The following KCNQ3 variants were observed in gnomAD, a reference collection of about 807,000 sequenced individuals.
KCNQ3 encodes the protein potassium voltage-gated channel subfamily KQT member 3.
Under a neutral mutation model 92.5 loss-of-function variants are expected in KCNQ3, and 30 were observed. The observed-to-expected ratio is 0.32, with a 90% CI of 0.24 to 0.44. The LOEUF (loss-of-function observed/expected upper bound fraction) is 0.44. KCNQ3 is among the 20% of genes least tolerant of loss of function. KCNQ3 has a pLI of 1.00. For missense variants in KCNQ3, 913 were observed against 1,140.3 expected, an observed-to-expected ratio of 0.80 and a Z score of 2.87; for synonymous variants, 450 against 468.8, an observed-to-expected ratio of 0.96 and a Z score of 0.52.
At chr8:132,191,597 G>A (rs1302054159) in intron 1 of KCNQ3, among the ~76,000 whole-genome samples, 3 of 69,808 alleles carry the variant, frequency 4.3e-5, no homozygotes, top group East Asian at 2.7e-4. Flanking sequence ...GGATATGTGT[G>A]TGTATGTGTG....
intron 1 of KCNQ3, among the ~76,000 whole-genome samples, chr8:132,286,893 G>T (rs1816694344): frequency 1.3e-5 from 2 of 152,044 alleles, no homozygotes; most frequent in East Asian, 1.9e-4. Flanking sequence ...ATGAGGAGAG[G>T]TTACCTCTCC....
intron 9 of KCNQ3, among the ~76,000 whole-genome samples, chr8:132,159,809 T>C (rs965573205): frequency 6.6e-6 from 1 of 152,142 alleles, no homozygotes; most frequent in Non-Finnish European, 1.5e-5. Flanking sequence ...ATGACACTTG[T>C]AGAATAATGA....
chr8:132,376,583 A>G (rs539633000), intron 1 of KCNQ3, among the ~76,000 whole-genome samples: 26 of 152,318 alleles, frequency 1.7e-4, no homozygotes, highest in African/African-American at 5.5e-4. Flanking sequence ...GAGCTAGAAA[A>G]TACATTGCTT....
At chr8:132,477,395 G>A (rs1175241331) in intron 1 of KCNQ3, among the ~76,000 whole-genome samples, 2 of 148,842 alleles carry the variant, frequency 1.3e-5, no homozygotes, top group South Asian at 2.1e-4. Flanking sequence ...CCTATGGTAA[G>A]CCCAATTTCC....
At chr8:132,230,539 C>T (rs1481536896) in intron 1 of KCNQ3, among the ~76,000 whole-genome samples, 3 of 151,772 alleles carry the variant, frequency 2.0e-5, no homozygotes, top group African/African-American at 7.3e-5. Flanking sequence ...AATGTGTCTT[C>T]CTGTCATTTA....
chr8:132,230,319 C>T (rs917698583), intron 1 of KCNQ3, among the ~76,000 whole-genome samples: 4 of 151,524 alleles, frequency 2.6e-5, no homozygotes, highest in South Asian at 2.1e-4. Context: ...CAAGATAAAG[C>T]CCCCCCGCCC....
At chr8:132,247,687 A>T (rs990475473) in intron 1 of KCNQ3, among the ~76,000 whole-genome samples, 3 of 151,606 alleles carry the variant, frequency 2.0e-5, no homozygotes, top group Non-Finnish European at 4.4e-5. Context: ...AATCCCAGCT[A>T]CTCGGGAGGC....
chr8:132,129,509 G>C lies in KCNQ3; in HGVS notation c.2372C>G (p.Ser791Cys). ...CTCCTCGTGGTTGACCGACATCAGG[G>C]ACAGAGGTGTGTCACTGTCTCGCGT... is the stretch of plus-strand genomic sequence containing the variant. ...SITRDSDTPL[S>C]LMSVNHEELE... Residue 791 changes from serine to cysteine, a missense_variant, in exon 15 of 15, where the codon TCC becomes TGC. By Grantham distance (112) the Ser-to-Cys change is moderately radical. Transcript: ENST00000388996. The surrounding 1 kb of genome is among the most constrained non-coding windows in gnomAD (Gnocchi z 5.9). 6.2e-7 allele frequency: 1 copy of C among 1,614,208 alleles called. No individual in the cohort carries two copies. The highest frequency in any genetic ancestry group is 8.5e-7 in the Non-Finnish European group (1 of 1,180,044).
At chr8:132,385,444 G>T (rs1323569821) in intron 1 of KCNQ3, among the ~76,000 whole-genome samples, 4 of 152,214 alleles carry the variant, frequency 2.6e-5, no homozygotes, top group Non-Finnish European at 5.9e-5. Flanking sequence ...TCAATCCCCA[G>T]TGCAGCAGTG....
At chr8:132,385,395 T>C (rs1301692928) in intron 1 of KCNQ3, among the ~76,000 whole-genome samples, 6 of 152,198 alleles carry the variant, frequency 3.9e-5, no homozygotes, top group Admixed American at 1.3e-4. Context: ...GAGACTGCAG[T>C]GGTCTGAATG....
intron 1 of KCNQ3, among the ~76,000 whole-genome samples, chr8:132,288,403 T>C (rs547851659): frequency 8.5e-5 from 13 of 152,332 alleles, no homozygotes; most frequent in African/African-American, 2.9e-4. Flanking sequence ...TTTCTCAATA[T>C]TGGCTTCCTT....
intron 9 of KCNQ3, among the ~76,000 whole-genome samples, chr8:132,158,819 T>C (rs1245753247): frequency 6.6e-6 from 1 of 152,204 alleles, no homozygotes; most frequent in Admixed American, 6.5e-5. Flanking sequence ...TACTATTGGA[T>C]TCTTTGATCC....
In KCNQ3 at chr8:132,365,372, T is replaced by C. The variant is rs1037519962; in HGVS notation, c.386+114775A>G. The stretch of plus-strand genomic sequence containing the variant: ...TTAATTCTTACAATAAACCCAGGCA[T>C]TTTTCCTACGTTTTACCCATAAGGA... On this transcript the variant is annotated intron_variant, in intron 1 of 14. Transcript: ENST00000388996. Among the ~76,000 whole-genome samples the C allele has an allele frequency of 5.3e-5, 8 of 152,328 alleles. No homozygotes were observed. The South Asian group carries it at 8.3e-4, about 16-fold the overall frequency.
At position 132,126,455 on chromosome 8, in the gene KCNQ3, T is replaced by C. The variant is rs993847652; in HGVS notation, c.*2807A>G. Reference sequence around the variant, plus strand: ...AGGTTTGGTTTGCCTTTCTGGAATATATTTTTTGGGGAACAAAAGGAGAAT... The same window carrying C: ...AGGTTTGGTTTGCCTTTCTGGAATACATTTTTTGGGGAACAAAAGGAGAAT... On this transcript the variant is annotated 3_prime_UTR_variant, in exon 15 of 15. Coordinates refer to ENST00000388996, the MANE Select transcript of KCNQ3 (RefSeq NM_004519.4). 6.6e-6 allele frequency: 1 copy of C among 152,322 alleles called. No individual in the cohort carries two copies. The highest frequency in any genetic ancestry group is 2.1e-4 in the South Asian group (1 of 4,824). The allele number at this position is 152,322 out of a possible 1,614,324, so 9.4% of individuals were successfully genotyped here. A position where few individuals can be genotyped will look rare whatever the true frequency, so the allele number is the denominator to read the frequency against.
chr8:132,255,031 C>CT (rs1295155984), intron 1 of KCNQ3, among the ~76,000 whole-genome samples: 1 of 150,302 alleles, frequency 6.7e-6, no homozygotes, highest in Non-Finnish European at 1.5e-5. Context: ...GTTTTTTTTT[C>CT]TTTTTAAATT....
chr8:132,464,634 T>G (rs1253033187), intron 1 of KCNQ3, among the ~76,000 whole-genome samples: 1 of 152,192 alleles, frequency 6.6e-6, no homozygotes, highest in Non-Finnish European at 1.5e-5. Context: ...AGGCTGTACA[T>G]TAGAAAACGA....
intron 1 of KCNQ3, among the ~76,000 whole-genome samples, chr8:132,282,936 C>G (rs1033055553): frequency 1.6e-4 from 25 of 151,884 alleles, no homozygotes; most frequent in African/African-American, 5.8e-4. Context: ...AGCCAGGATA[C>G]GAGAGAGTGA....
intron 1 of KCNQ3, among the ~76,000 whole-genome samples, chr8:132,373,057 C>T (rs551052370): frequency 7.1e-4 from 108 of 152,018 alleles, no homozygotes; most frequent in Non-Finnish European, 1.0e-3. Context: ...GATTCTGATT[C>T]GCTAATGGAC....
intron 1 of KCNQ3, among the ~76,000 whole-genome samples, chr8:132,390,552 G>A (rs1414690899): frequency 6.6e-6 from 1 of 152,200 alleles, no homozygotes; most frequent in Non-Finnish European, 1.5e-5. Context: ...GGTGTGGTAT[G>A]GGTGTTTTGT....
Sources: allele counts gnomAD v4.1 joint callset (sites outside exome capture counted in the v4.1 genomes callset), GRCh38; gene constraint gnomAD v4.1.1; non-coding constraint Gnocchi (gnomAD v3.1); transcripts MANE v1.5; gene names NCBI Gene and HGNC (gene_info 2026-07-23, HGNC 2026-07-21).